The following CASZ1 variants were observed in gnomAD, a reference collection of about 807,000 sequenced individuals.
The protein encoded by CASZ1 is zinc finger protein castor homolog 1.
In CASZ1, 28 loss-of-function variants were observed where a neutral mutation model predicts 135.2. The observed-to-expected ratio is 0.21, with a 90% CI of 0.15 to 0.28. The LOEUF (loss-of-function observed/expected upper bound fraction) is 0.28, where lower values mean the gene tolerates loss of function less well. Ranked by LOEUF, CASZ1 falls within the 10% of genes least tolerant of loss-of-function variation. CASZ1 has a pLI of 1.00. For synonymous variants in CASZ1, 1,068 were observed against 1,073.4 expected, an observed-to-expected ratio of 0.99 and a Z score of 0.10; for missense variants, 2,161 against 2,453.3, an observed-to-expected ratio of 0.88 and a Z score of 2.52.
intron 2 of CASZ1, among the ~76,000 whole-genome samples, chr1:10,748,932 G>A (rs1640097836): frequency 6.6e-6 from 1 of 152,168 alleles, no homozygotes; most frequent in African/African-American, 2.4e-5. Context: ...GTCTGGTGAG[G>A]CCTCCCTGCC....
At chr1:10,691,349 ACATGGCCCCT>A (rs1638761704) in intron 4 of CASZ1, among the ~76,000 whole-genome samples, 1 of 152,206 alleles carries the variant, frequency 6.6e-6, no homozygotes, top group Non-Finnish European at 1.5e-5. Flanking sequence ...AAGGGGGTCC[ACATGGCCCCT>A]GAGGGTCCTG....
chr1:10,789,950 A>T (rs979745513), intron 1 of CASZ1, among the ~76,000 whole-genome samples: 2 of 152,152 alleles, frequency 1.3e-5, no homozygotes, highest in African/African-American at 4.8e-5. Flanking sequence ...CCTCAGAGCC[A>T]CAGCAACTTA....
rs1640230613 is a variant in CASZ1, at chr1:10,755,333, G to A, written c.-77+5368C>T. On this transcript the variant is annotated intron_variant, in intron 2 of 20. Coordinates refer to ENST00000377022, the MANE Select transcript of CASZ1 (RefSeq NM_001079843.3). This position sits in a 1 kb window ranked among gnomAD's most constrained non-coding sequence, Gnocchi z 4.3. ...AGCTTGAAGGTCTACACGAGGAGAT[G>A]ATGCAGTCAGGACTCCGGGACTCCT... Among the ~76,000 whole-genome samples the A allele has an allele frequency of 6.6e-6, 1 of 152,186 alleles. No homozygotes were observed. The highest frequency in any genetic ancestry group is 2.4e-5 in the African/African-American group (1 of 41,432).
chr1:10,709,271 G>A lies in CASZ1; in HGVS notation c.-76-3727C>T, dbSNP rs1271002147. 3.9e-5 allele frequency among the ~76,000 whole-genome samples: 6 copies of A among 152,102 alleles called. No individual in the cohort carries two copies. Among genetic ancestry groups the A allele is most frequent in the African/African-American group, 7.2e-5 (3 of 41,418 alleles). The stretch of plus-strand genomic sequence containing the variant: ...GGGGCAGCTGTCGGGCTGCCCATCC[G>A]CCCCCGCACTCCACTGCGTCTCCTT... On this transcript the variant is annotated intron_variant, in intron 2 of 20. Coordinates refer to ENST00000377022, the MANE Select transcript of CASZ1 (RefSeq NM_001079843.3). The surrounding 1 kb of genome is among the most constrained non-coding windows in gnomAD (Gnocchi z 5.1).
At chr1:10,682,294 C>A (rs145509101) in intron 4 of CASZ1, among the ~76,000 whole-genome samples, 1 of 151,770 alleles carries the variant, frequency 6.6e-6, no homozygotes, top group Non-Finnish European at 1.5e-5. Flanking sequence ...GGTGCCGGGA[C>A]GGGGAGAAGG....
chr1:10,754,704 G>T (rs1640214575), intron 2 of CASZ1, among the ~76,000 whole-genome samples: 1 of 152,196 alleles, frequency 6.6e-6, no homozygotes, highest in Admixed American at 6.5e-5. Context: ...TCCTCTCTCT[G>T]CCTGGAGAGC....
intron 4 of CASZ1, among the ~76,000 whole-genome samples, chr1:10,687,131 C>G (rs1216401836): frequency 6.6e-6 from 1 of 152,224 alleles, no homozygotes; most frequent in African/African-American, 2.4e-5. Context: ...GTCCCCCCAT[C>G]TAAAGCTCTG....
chr1:10,679,731 T>C lies in CASZ1; in HGVS notation c.16+14143A>G, dbSNP rs1233838922. On this transcript the variant is annotated intron_variant, in intron 4 of 20. Coordinates refer to ENST00000377022, the MANE Select transcript of CASZ1 (RefSeq NM_001079843.3). This position sits in a 1 kb window ranked among gnomAD's most constrained non-coding sequence, Gnocchi z 4.7. Reference sequence around the variant, plus strand: ...CCAACCCCAACTCTGGAAGCTCCACTTCAGGTTTTCCATACTACAACCCCG... The same window carrying C: ...CCAACCCCAACTCTGGAAGCTCCACCTCAGGTTTTCCATACTACAACCCCG... Among the ~76,000 whole-genome samples, 1 of 152,182 alleles carries C rather than the reference T, an allele frequency of 6.6e-6. No homozygotes were observed. Among genetic ancestry groups the C allele is most frequent in the East Asian group, 1.9e-4 (1 of 5,188 alleles).
At chr1:10,765,828 G>A (rs1166177459) in intron 1 of CASZ1, among the ~76,000 whole-genome samples, 5 of 152,152 alleles carry the variant, frequency 3.3e-5, no homozygotes, top group Admixed American at 1.3e-4. Context: ...GAGGGGACCC[G>A]CACCCCAGAG....
At chr1:10,648,515 C>T (rs893227734) in intron 15 of CASZ1, 3 of 230,216 alleles carry the variant, frequency 1.3e-5, no homozygotes, top group African/African-American at 2.3e-5. Context: ...CGGGCTACGG[C>T]CGAGGGTGCC....
chr1:10,731,467 C>T (rs1297612074), intron 2 of CASZ1, among the ~76,000 whole-genome samples: 3 of 152,026 alleles, frequency 2.0e-5, no homozygotes, highest in Non-Finnish European at 4.4e-5. Context: ...CGCCTGTGCT[C>T]CCAGCTACTT....
intron 8 of CASZ1, among the ~76,000 whole-genome samples, chr1:10,656,242 G>A (rs755800548): frequency 1.3e-5 from 2 of 152,210 alleles, no homozygotes; most frequent in Admixed American, 6.5e-5. Flanking sequence ...GCTCACTGGC[G>A]GGCAGCCTTG....
intron 2 of CASZ1, among the ~76,000 whole-genome samples, chr1:10,737,068 A>G (rs1000206897): frequency 3.3e-5 from 5 of 152,236 alleles, no homozygotes; most frequent in African/African-American, 1.2e-4. Flanking sequence ...TGTGCAGTTC[A>G]TGAATATTTC....
At position 10,660,167 on chromosome 1, in the gene CASZ1, A is replaced by T. The variant is rs1642968746; in HGVS notation, c.875T>A (p.Leu292Gln). ...TAHLETKATI[L>Q]PLPSHSSVQM... ...GACACTGCTGTGCGACGGCAGGGGCAGGATGGTGGCCTTGGTCTCCAGGTG... is the reference window on the plus strand; with the variant it reads ...GACACTGCTGTGCGACGGCAGGGGCTGGATGGTGGCCTTGGTCTCCAGGTG... The change falls in exon 6 of 21, where the codon CTG becomes CAG. Residue 292 changes from leucine (L) to glutamine (Q), a missense_variant. This residue lies in a region of CASZ1 where 590 missense variants were observed against 609.8 expected (regional missense o/e 0.97). Coordinates refer to ENST00000377022, the MANE Select transcript of CASZ1 (RefSeq NM_001079843.3). 6.2e-7 allele frequency: 1 copy of T among 1,613,880 alleles called. No homozygotes were observed. Among genetic ancestry groups the T allele is most frequent in the Non-Finnish European group, 8.5e-7 (1 of 1,179,978 alleles).
intron 2 of CASZ1, among the ~76,000 whole-genome samples, chr1:10,751,573 C>T (rs561750524): frequency 6.6e-6 from 1 of 152,206 alleles, no homozygotes; most frequent in Non-Finnish European, 1.5e-5. Flanking sequence ...AATATAAATA[C>T]CCACGCTAAT....
chr1:10,720,672 G>A lies in CASZ1; in HGVS notation c.-76-15128C>T, dbSNP rs1450979196. On this transcript the variant is annotated intron_variant, in intron 2 of 20. Transcript: ENST00000377022. This position sits in a 1 kb window ranked among gnomAD's most constrained non-coding sequence, Gnocchi z 5.7. ...CGAGTACATGTGATAATGACTCCAG[G>A]CTTCGCTTCTGCTGCCCCCAGAAAA... Among the ~76,000 whole-genome samples, 1 of 152,212 alleles carries A rather than the reference G, an allele frequency of 6.6e-6. No individual in the cohort carries two copies. Among genetic ancestry groups the A allele is most frequent in the Non-Finnish European group, 1.5e-5 (1 of 68,038 alleles).
intron 2 of CASZ1, among the ~76,000 whole-genome samples, chr1:10,714,803 C>T (rs1181820183): frequency 1.3e-5 from 2 of 152,224 alleles, no homozygotes; most frequent in East Asian, 1.9e-4. Flanking sequence ...GTCTCCAGGC[C>T]TCGGCCTTTC....
intron 3 of CASZ1, chr1:10,704,420 G>T (rs1310884352): frequency 2.0e-5 from 3 of 152,158 alleles, no homozygotes; most frequent in Non-Finnish European, 4.4e-5. Context: ...CAGGGCGCGG[G>T]CCGGGCCTGC....
At position 10,706,597 on chromosome 1, in the gene CASZ1, C is replaced by T. The variant is rs370677285; in HGVS notation, c.-76-1053G>A. On this transcript the variant is annotated intron_variant, in intron 2 of 20. Transcript: ENST00000377022. The surrounding 1 kb of genome is among the most constrained non-coding windows in gnomAD (Gnocchi z 4.3). The stretch of plus-strand genomic sequence containing the variant: ...CGGAATGCCACCCAGTCCCACCGCC[C>T]GCTCTCCGGTTCCCAGGACATATTT... Among the ~76,000 whole-genome samples the T allele has an allele frequency of 1.5e-4, 23 of 152,308 alleles. No homozygotes were observed. The highest frequency in any genetic ancestry group is 2.2e-4 in the Non-Finnish European group (15 of 68,018).
Sources: allele counts gnomAD v4.1 joint callset (sites outside exome capture counted in the v4.1 genomes callset), GRCh38; gene constraint gnomAD v4.1.1; regional missense constraint gnomAD v4.1.1; non-coding constraint Gnocchi (gnomAD v3.1); transcripts MANE v1.5; gene names NCBI Gene and HGNC (gene_info 2026-07-23, HGNC 2026-07-21).